The following DNAH12 variants were observed in gnomAD, a reference collection of about 807,000 sequenced individuals.
DNAH12 encodes the protein axonemal beta dynein heavy chain 12.
In DNAH12, 285 loss-of-function variants were observed where a neutral mutation model predicts 371.5. The ratio of observed to expected loss-of-function variants is 0.77; its 90% CI spans 0.70 to 0.85. The LOEUF (loss-of-function observed/expected upper bound fraction) is 0.85, where lower values mean the gene tolerates loss of function less well. Among genes scored for constraint, DNAH12 ranks in the 40% least tolerant of loss-of-function variants. DNAH12 has a pLI of 0.00. For missense variants in DNAH12, 3,611 were observed against 3,689.4 expected (o/e 0.98, Z 0.55); for synonymous variants, 1,200 against 1,213.0 (o/e 0.99, Z 0.22).
chr3:57,468,711 A>G, intron 17 of DNAH12, 25 bp downstream of exon 17: 2 of 1,288,128 alleles, frequency 1.6e-6, no homozygotes, highest in Non-Finnish European at 2.0e-6. Context: ...CTATAATATT[A>G]AAATGTTATT....
intron 25 of DNAH12, among the ~76,000 whole-genome samples, chr3:57,449,862 C>A (rs553223860): frequency 1.9e-4 from 29 of 152,294 alleles, no homozygotes; most frequent in Middle Eastern, 3.4e-3. Flanking sequence ...GAGGAGGCGC[C>A]GAGAGCAAGC....
In DNAH12 at chr3:57,520,035, G is replaced by A. The variant is rs1028348241; in HGVS notation, c.279+3548C>T. 1.7e-5 allele frequency: 12 copies of A among 700,366 alleles called. No individual in the cohort carries two copies. In the African/African-American group the frequency reaches 2.2e-4, roughly 13 times the overall value. The allele number at this position is 700,366 out of a possible 1,614,324, so 43.4% of individuals were successfully genotyped here. A position where few individuals can be genotyped will look rare whatever the true frequency, so the allele number is the denominator to read the frequency against. On this transcript the variant is annotated intron_variant, in intron 4 of 73. Coordinates refer to ENST00000495027, the MANE Select transcript of DNAH12 (RefSeq NM_001366028.2). Reference sequence around the variant, plus strand: ...TGGTAGCGCCGCGGAGCCGATGGCCGACGTTGGGTTGGGGAAAGCCGGAGG... The same window carrying A: ...TGGTAGCGCCGCGGAGCCGATGGCCAACGTTGGGTTGGGGAAAGCCGGAGG...
At chr3:57,499,800 T>G (rs1227752991) in intron 11 of DNAH12, among the ~76,000 whole-genome samples, 1 of 147,792 alleles carries the variant, frequency 6.8e-6, no homozygotes, top group South Asian at 2.1e-4. Context: ...ATCATGCCAC[T>G]GCACTCCAGC....
At chr3:57,547,944 T>C (rs1419054176), upstream of DNAH12, among the ~76,000 whole-genome samples, 2 of 152,186 alleles carry the variant, frequency 1.3e-5, no homozygotes, top group Non-Finnish European at 2.9e-5. Flanking sequence ...ATAAACCTCT[T>C]TGAAGACACA....
chr3:57,361,444 C>CACTATATATACATATATATA (rs1409626573), intron 58 of DNAH12, among the ~76,000 whole-genome samples: 9 of 116,700 alleles, frequency 7.7e-5, no homozygotes, highest in African/African-American at 3.8e-4. Flanking sequence ...CACACACACA[C>CACTATATATACATATATATA]TATATATATA....
chr3:57,427,139 T>TGTGATGTGTGTGTGC (rs2064799814), intron 34 of DNAH12, among the ~76,000 whole-genome samples: 1 of 24,308 alleles, frequency 4.1e-5, no homozygotes, highest in African/African-American at 4.7e-4. Flanking sequence ...AAGAAGCGAA[T>TGTGATGTGTGTGTGC]GTGTGTGTGT....
At chr3:57,428,221 G>A (rs978677953) in intron 34 of DNAH12, 21 of 526,552 alleles carry the variant, frequency 4.0e-5, no homozygotes, top group African/African-American at 2.5e-4. Context: ...GTGAGCCACC[G>A]TGGCTGTAGC....
At chr3:57,375,686 G>C (rs2063267524) in intron 54 of DNAH12, 132 bp downstream of exon 54, 1 of 151,918 alleles carries the variant, frequency 6.6e-6, no homozygotes, top group African/African-American at 2.4e-5. Flanking sequence ...GAAACAAGAA[G>C]CAAAAAAAGA....
In DNAH12 at chr3:57,415,516, CACAT is replaced by C; in HGVS notation, c.5759_5762del (p.Tyr1920Ter). On this transcript the variant is annotated frameshift_variant, in exon 38 of 74. Coordinates refer to ENST00000495027, the MANE Select transcript of DNAH12 (RefSeq NM_001366028.2). LOFTEE classifies it high-confidence loss of function. ...CCAAGTGATTCATTAGCTTATCCTTCACATACACAGATTTTCCTGTACCCGTTGG... is the reference window on the plus strand; with the variant it reads ...CCAAGTGATTCATTAGCTTATCCTTCACACAGATTTTCCTGTACCCGTTGG... The C allele has an allele frequency of 6.4e-7, 1 of 1,550,578 alleles. No individual in the cohort carries two copies. The highest frequency in any genetic ancestry group is 8.7e-7 in the Non-Finnish European group (1 of 1,146,810).
intron 62 of DNAH12, 105 bp from the exon 63 acceptor site, chr3:57,323,724 A>C: frequency 8.4e-7 from 1 of 1,191,530 alleles, no homozygotes; most frequent in Non-Finnish European, 1.1e-6. Flanking sequence ...CCTAATGGTC[A>C]AAAAAAGCAT....
intron 35 of DNAH12, among the ~76,000 whole-genome samples, chr3:57,423,822 ATTT>A (rs200911652): frequency 6.6e-6 from 1 of 150,870 alleles, no homozygotes; most frequent in African/African-American, 2.4e-5. Context: ...TCCTGGTTTT[ATTT>A]TTTTTTGAGA....
At chr3:57,549,089 A>G (rs4681735), upstream of DNAH12, 127,610 of 152,266 alleles carry the variant, frequency 0.84, 54,133 homozygotes, top group African/African-American at 0.95. Flanking sequence ...TCAGGAGGCC[A>G]AGGTGGGAGG....
chr3:57,304,498 A>ATC (rs1200537650), intron 69 of DNAH12, among the ~76,000 whole-genome samples: 1 of 151,870 alleles, frequency 6.6e-6, no homozygotes, highest in African/African-American at 2.4e-5. Context: ...CCAAACTTCA[A>ATC]TCTCTCTCTT....
At chr3:57,511,878 T>C (rs2068012061) in intron 4 of DNAH12, among the ~76,000 whole-genome samples, 1 of 152,044 alleles carries the variant, frequency 6.6e-6, no homozygotes, top group South Asian at 2.1e-4. Context: ...TGGAAAAAGA[T>C]AAAATAATTC....
Position 57,322,481 on chromosome 3 carries a change from G to A in DNAH12, c.10386C>T (p.Phe3462=). 1.9e-6 allele frequency: 3 copies of A among 1,550,674 alleles called. No individual in the cohort carries two copies. Among genetic ancestry groups the A allele is most frequent in the Non-Finnish European group, 2.6e-6 (3 of 1,146,630 alleles). The change falls in exon 65 of 74, where the codon TTC becomes TTT. Residue 3462 remains phenylalanine, a splice_region_variant and synonymous_variant. Transcript: ENST00000495027. The part of the protein sequence containing the change: ...LWLTSYPSSK[F]PVTILQNGVK... ...CTCCATTCTGTAGAATTGTTACTGG[G>A]AACTAAGACAAAATAAATGGAGAGC...
At chr3:57,504,267 A>T in intron 8 of DNAH12, 63 bp from the exon 9 acceptor site, 6 of 1,367,626 alleles carry the variant, frequency 4.4e-6, no homozygotes, top group Non-Finnish European at 6.0e-6. Context: ...TAAAATCAGT[A>T]AACTGATTAT....
At chr3:57,326,389 A>T (rs2061947348) in intron 62 of DNAH12, among the ~76,000 whole-genome samples, 1 of 152,236 alleles carries the variant, frequency 6.6e-6, no homozygotes, top group South Asian at 2.1e-4. Context: ...GCCAGAAGAG[A>T]GTGGGGGCCA....
In DNAH12 at chr3:57,502,370, G is replaced by A. The variant is rs1284194690; in HGVS notation, c.1196C>T (p.Ala399Val). Reference protein sequence around the residue: ...LHWAVDTLKAAVHRNLEGARK... With the variant: ...LHWAVDTLKAVVHRNLEGARK... Reference sequence around the variant, plus strand: ...TGCACCTTCTAAGTTCCGATGTACTGCTGCCTTCAGTGTATCAACAGCCCA... The same window carrying A: ...TGCACCTTCTAAGTTCCGATGTACTACTGCCTTCAGTGTATCAACAGCCCA... The change falls in exon 10 of 74, where the codon GCA becomes GTA. Residue 399 changes from alanine (A) to valine (V), a missense_variant. Coordinates refer to ENST00000495027, the MANE Select transcript of DNAH12 (RefSeq NM_001366028.2). 8 of 1,614,110 alleles carry A rather than the reference G, an allele frequency of 5.0e-6. No individual in the cohort carries two copies. Among genetic ancestry groups the A allele is most frequent in the Non-Finnish European group, 6.8e-6 (8 of 1,180,014 alleles).
chr3:57,417,436 A>T (rs185562336), intron 37 of DNAH12, among the ~76,000 whole-genome samples: 90 of 152,298 alleles, frequency 5.9e-4, no homozygotes, highest in African/African-American at 2.0e-3. Flanking sequence ...GAATTCATCT[A>T]CATGTTCCAG....
Sources: gnomAD v4.1 joint callset for allele counts (sites outside exome capture counted in the v4.1 genomes callset) on GRCh38, gnomAD v4.1.1 for gene constraint, MANE v1.5 for transcripts, NCBI Gene and HGNC (gene_info 2026-07-23, HGNC 2026-07-21) for gene names.